SMG1: variants seen among roughly 807,000 people sequenced by gnomAD.
SMG1 encodes serine/threonine-protein kinase SMG1.
SMG1 carries 22 observed loss-of-function variants against 419.9 expected under a neutral mutation model. The ratio of observed to expected loss-of-function variants is 0.05; its 90% CI spans 0.04 to 0.07. The LOEUF is 0.07. SMG1 is among the 10% of genes least tolerant of loss of function. The probability of loss-of-function intolerance (pLI) is 1.00; values close to 1 mark genes in which losing one functional copy is unlikely to be tolerated. For missense variants in SMG1, 3,185 were observed against 4,342.0 expected (o/e 0.73, Z 7.49); for synonymous variants, 1,538 against 1,553.5 (o/e 0.99, Z 0.23).
chr16:18,917,613 T>C (rs1171842286), intron 1 of SMG1, among the ~76,000 whole-genome samples: 2 of 151,842 alleles, frequency 1.3e-5, no homozygotes, highest in Non-Finnish European at 2.9e-5. Context: ...GTCTTGCTCT[T>C]GTTGCCCAAG....
intron 62 of SMG1, among the ~76,000 whole-genome samples, chr16:18,811,522 G>A (rs967106588): frequency 3.3e-5 from 5 of 152,124 alleles, no homozygotes; most frequent in African/African-American, 7.2e-5. Flanking sequence ...GAGGAGGATC[G>A]GACTTATATT....
intron 36 of SMG1, among the ~76,000 whole-genome samples, chr16:18,848,800 C>T (rs1173968427): frequency 6.6e-6 from 1 of 151,694 alleles, no homozygotes; most frequent in Admixed American, 6.6e-5. Flanking sequence ...CAGCCGGGCA[C>T]GGTGGCTCAT....
Position 18,871,424 on chromosome 16 carries a change from A to G in SMG1, c.2242T>C (p.Tyr748His), listed in dbSNP as rs762007652. The G allele has an allele frequency of 1.9e-6, 3 of 1,603,870 alleles. No individual in the cohort carries two copies. Among genetic ancestry groups the G allele is most frequent in the Non-Finnish European group, 2.5e-6 (3 of 1,177,662 alleles). Residue 748 changes from tyrosine (Y) to histidine (H), a missense_variant, in exon 16 of 63, where the codon TAC (tyrosine) becomes CAC (histidine). By Grantham distance (83) the Tyr-to-His change is moderately conservative (BLOSUM62 2). This residue lies in a region of SMG1 where 297 missense variants were observed against 491.0 expected (regional missense o/e 0.60). Coordinates refer to ENST00000446231, the MANE Select transcript of SMG1 (RefSeq NM_015092.5). ...GACGGAAGAGAGAATAAAGGTGCGTATGTTTCAGACTTCTTCATTAAAACA... is the reference window on the plus strand; with the variant it reads ...GACGGAAGAGAGAATAAAGGTGCGTGTGTTTCAGACTTCTTCATTAAAACA... Reference protein sequence around the residue: ...AAVLMKKSETYAPLFSLPSFH... With the variant: ...AAVLMKKSETHAPLFSLPSFH...
chr16:18,860,966 C>T (rs1289718075), intron 25 of SMG1, 190 bp from the exon 26 acceptor site: 6 of 471,994 alleles, frequency 1.3e-5, no homozygotes, highest in African/African-American at 2.1e-5. Flanking sequence ...TTAATTAGTA[C>T]TCAAATTGGA....
intron 60 of SMG1, among the ~76,000 whole-genome samples, chr16:18,814,652 G>A (rs910912363): frequency 2.7e-5 from 4 of 150,730 alleles, no homozygotes; most frequent in East Asian, 2.0e-4. Flanking sequence ...TTGGCTCACC[G>A]TAACCTCCAC....
intron 41 of SMG1, 70 bp from the exon 42 acceptor site, chr16:18,840,016 A>T: frequency 8.0e-7 from 1 of 1,254,802 alleles, no homozygotes; most frequent in South Asian, 1.5e-5. Flanking sequence ...TGCCTTTTGT[A>T]TGTAAAGTAG....
chr16:18,850,486 C>A lies in SMG1; in HGVS notation c.5053-19G>T, dbSNP rs1460906200. On this transcript the variant is annotated intron_variant, in intron 33 of 62. Transcript: ENST00000446231. Reference sequence around the variant, plus strand: ...CTTCATCCTGAAGAAAAATTGTGCACAAAATGCTATTTTAAATACAAACTG... The same window carrying A: ...CTTCATCCTGAAGAAAAATTGTGCAAAAAATGCTATTTTAAATACAAACTG... 2 of 1,540,008 alleles carry A rather than the reference C, an allele frequency of 1.3e-6. No homozygotes were observed. Among genetic ancestry groups the A allele is most frequent in the East Asian group, 2.3e-5 (1 of 44,182 alleles).
intron 29 of SMG1, chr16:18,856,427 C>G (rs1596531151): frequency 6.6e-6 from 1 of 151,610 alleles, no homozygotes; most frequent in East Asian, 1.9e-4. Flanking sequence ...AGATCCGCCT[C>G]CCTGGTTCAT....
chr16:18,813,891 C>T (rs867379662), intron 60 of SMG1, among the ~76,000 whole-genome samples: 2 of 151,208 alleles, frequency 1.3e-5, no homozygotes, highest in African/African-American at 2.4e-5. Context: ...ATTAGCAGGG[C>T]GTGGTGGCAG....
At chr16:18,922,357 TC>T (rs756295682) in intron 1 of SMG1, among the ~76,000 whole-genome samples, 2 of 152,186 alleles carry the variant, frequency 1.3e-5, no homozygotes, top group African/African-American at 4.8e-5. Context: ...CACCCCTGTT[TC>T]TTCATATGAA....
At chr16:18,910,088 T>A (rs1161583301) in intron 1 of SMG1, among the ~76,000 whole-genome samples, 1 of 151,506 alleles carries the variant, frequency 6.6e-6, no homozygotes, top group Non-Finnish European at 1.5e-5. Flanking sequence ...CAATTTCAAA[T>A]AGTACCAGAA....
chr16:18,816,116 A>T (rs1014407853), intron 58 of SMG1, 186 bp downstream of exon 58: 89 of 597,078 alleles, frequency 1.5e-4, no homozygotes, highest in Non-Finnish European at 2.5e-4. Context: ...ATGAAATTCA[A>T]ACTACTACTA....
intron 42 of SMG1, among the ~76,000 whole-genome samples, chr16:18,839,282 C>T (rs931975232): frequency 6.6e-6 from 1 of 152,032 alleles, no homozygotes; most frequent in African/African-American, 2.4e-5. Flanking sequence ...ACACATTATT[C>T]TGTCACCCAG....
At chr16:18,861,053 T>A in intron 25 of SMG1, 1 of 338,838 alleles carries the variant, frequency 3.0e-6, no homozygotes, top group South Asian at 3.0e-5. Flanking sequence ...TGTTTTCATG[T>A]GTTGCAGCCT....
rs1246591065 is a variant in SMG1 at position 18,807,398 on chromosome 16, T to C, written c.*2171A>G. The C allele has an allele frequency of 6.6e-6, 1 of 152,210 alleles. No homozygotes were observed. The highest frequency in any genetic ancestry group is 2.4e-5 in the African/African-American group (1 of 41,434). The allele number at this position is 152,210 out of a possible 1,614,324, so 9.4% of individuals were successfully genotyped here. A position where few individuals can be genotyped will look rare whatever the true frequency, so the allele number is the denominator to read the frequency against. On this transcript the variant is annotated 3_prime_UTR_variant, in exon 63 of 63. Coordinates refer to ENST00000446231, the MANE Select transcript of SMG1 (RefSeq NM_015092.5). ...ATAAAGCAGTGTGCAAAATACAATA[T>C]GGCATTATTATTCCAGCTAGGTTTT...
intron 58 of SMG1, 106 bp downstream of exon 58, chr16:18,816,196 G>C: frequency 1.1e-6 from 1 of 882,318 alleles, no homozygotes; most frequent in Non-Finnish European, 1.7e-6. Context: ...GATGTGATGA[G>C]ATAAATTGTT....
At chr16:18,873,263 G>A (rs1056615205) in intron 13 of SMG1, among the ~76,000 whole-genome samples, 1 of 152,290 alleles carries the variant, frequency 6.6e-6, no homozygotes, top group Non-Finnish European at 1.5e-5. Flanking sequence ...CTGTTGCCCA[G>A]GCTGGAGTGC....
At position 18,926,203 on chromosome 16, in the gene SMG1, C is replaced by CG; in HGVS notation, c.-163dup. On this transcript the variant is annotated 5_prime_UTR_variant, in exon 1 of 63. Transcript: ENST00000446231. ...AGGAGAAGGAGGAGGCGGCGGAGGGCGGGGGAAGAGGACGGCCGTTCCGGG... is the reference window on the plus strand; with the variant it reads ...AGGAGAAGGAGGAGGCGGCGGAGGGCGGGGGGAAGAGGACGGCCGTTCCGGG... 1.6e-6 allele frequency: 1 copy of CG among 621,864 alleles called. No individual in the cohort carries two copies. The highest frequency in any genetic ancestry group is 2.7e-6 in the Non-Finnish European group (1 of 376,734). 38.5% of individuals were successfully genotyped at this position (621,864 alleles called of 1,614,324 possible).
chr16:18,921,357 A>C (rs1251430706), intron 1 of SMG1, among the ~76,000 whole-genome samples: 1 of 151,410 alleles, frequency 6.6e-6, no homozygotes, highest in Non-Finnish European at 1.5e-5. Flanking sequence ...AAACAGAGGA[A>C]AGAAAAGAAA....
Sources: gnomAD v4.1 joint callset for allele counts (sites outside exome capture counted in the v4.1 genomes callset) on GRCh38, gnomAD v4.1.1 for gene constraint, gnomAD v4.1.1 regional missense constraint, MANE v1.5 for transcripts, NCBI Gene and HGNC (gene_info 2026-07-23, HGNC 2026-07-21) for gene names.